Variants in CCNY observed in about 807,000 individuals in gnomAD.
The protein encoded by CCNY is cyclin-Y.
CCNY carries 19 observed loss-of-function variants against 42.8 expected under a neutral mutation model. That is an observed-to-expected ratio of 0.44 (90% CI 0.31 to 0.65). The LOEUF (loss-of-function observed/expected upper bound fraction) is 0.65, where lower values mean the gene tolerates loss of function less well. Ranked by LOEUF, CCNY falls within the 30% of genes least tolerant of loss-of-function variation. The pLI, the probability that CCNY is intolerant of heterozygous loss-of-function variation, is 0.07. For synonymous variants in CCNY, 165 were observed against 162.7 expected (o/e 1.01, Z -0.11); for missense variants, 370 against 437.3 (o/e 0.85, Z 1.37).
chr10:35,543,922 T>C (rs755829414), intron 7 of CCNY, among the ~76,000 whole-genome samples: 15 of 152,196 alleles, frequency 9.9e-5, no homozygotes, highest in Non-Finnish European at 1.6e-4. Context: ...CAAAAAAGTT[T>C]AGAAATTAAA....
At chr10:35,514,066 G>T (rs981448716) in intron 3 of CCNY, among the ~76,000 whole-genome samples, 9 of 114,770 alleles carry the variant, frequency 7.8e-5, no homozygotes, top group African/African-American at 3.4e-5. Flanking sequence ...CACCCTGAGA[G>T]GACCAGTTCA....
rs1312410028 is a variant in CCNY, at chr10:35,465,938, A to AGTGTGTGTGTGT, written c.155-17455_155-17444dup. On this transcript the variant is annotated intron_variant, in intron 1 of 9. Coordinates refer to ENST00000374704, the MANE Select transcript of CCNY (RefSeq NM_145012.6). ...GAGAGAGAGAGAGAGAGAGAGAGAG[A>AGTGTGTGTGTGT]GTGTGTGTGTGTGTGTGTGTGTCTG... 3.0e-4 allele frequency among the ~76,000 whole-genome samples: 24 copies of AGTGTGTGTGTGT among 80,996 alleles called. 1 individual carries two copies. The highest frequency in any genetic ancestry group is 9.6e-4 in the African/African-American group (22 of 22,842). The allele number at this position is 80,996 out of a possible 152,430, so 53.1% of individuals were successfully genotyped here.
intron 3 of CCNY, among the ~76,000 whole-genome samples, chr10:35,263,287 G>A (rs1186856761): frequency 2.7e-5 from 4 of 149,736 alleles, no homozygotes; most frequent in Admixed American, 6.7e-5. Context: ...AACCCAGGAG[G>A]TGGAGCTTGC....
intron 2 of CCNY, among the ~76,000 whole-genome samples, chr10:35,485,558 T>C (rs1167945231): frequency 6.6e-6 from 1 of 152,116 alleles, no homozygotes; most frequent in Non-Finnish European, 1.5e-5. Flanking sequence ...ACCCCGTCTC[T>C]ACTAAAAATA....
At position 35,347,681 on chromosome 10, in the gene CCNY, A is replaced by G. The variant is rs1836336042; in HGVS notation, c.154+10474A>G. Among the ~76,000 whole-genome samples the G allele has an allele frequency of 3.3e-5, 5 of 152,050 alleles. No homozygotes were observed. The South Asian group carries it at 1.0e-3, about 32-fold the overall frequency. Reference sequence around the variant, plus strand: ...AATTAGTGTATGGGTGGGTAGGATGAGTTCTGTTTTTTGCTTCTCAAGAAA... The same window carrying G: ...AATTAGTGTATGGGTGGGTAGGATGGGTTCTGTTTTTTGCTTCTCAAGAAA... On this transcript the variant is annotated intron_variant, in intron 1 of 9. Transcript: ENST00000374704.
chr10:35,463,868 A>C (rs1279260846), intron 1 of CCNY, among the ~76,000 whole-genome samples: 1 of 152,192 alleles, frequency 6.6e-6, no homozygotes, highest in African/African-American at 2.4e-5. Flanking sequence ...TATGACATTG[A>C]CCTACTTCCT....
intron 1 of CCNY, among the ~76,000 whole-genome samples, chr10:35,472,157 T>C (rs1589142725): frequency 6.6e-6 from 1 of 152,194 alleles, no homozygotes; most frequent in East Asian, 1.9e-4. Flanking sequence ...ATCCTGCCCA[T>C]TGCGCTAGTA....
chr10:35,338,368 A>G (rs981304301), intron 1 of CCNY, among the ~76,000 whole-genome samples: 1 of 152,246 alleles, frequency 6.6e-6, no homozygotes, highest in Admixed American at 6.5e-5. Flanking sequence ...TGCCATGTAT[A>G]AAGGGAGTAA....
chr10:35,507,855 A>G (rs1260870778), intron 3 of CCNY, among the ~76,000 whole-genome samples: 2 of 151,476 alleles, frequency 1.3e-5, no homozygotes, highest in Admixed American at 1.3e-4. Context: ...CGAAGGATTC[A>G]GTTAAACATT....
Position 35,385,213 on chromosome 10 carries a change from A to G in CCNY, c.154+48006A>G, listed in dbSNP as rs189343767. 3.6e-3 allele frequency among the ~76,000 whole-genome samples: 550 copies of G among 152,354 alleles called. 3 individuals carry two copies. Among genetic ancestry groups the G allele is most frequent in the South Asian group, 0.03 (143 of 4,826 alleles). ...GATTTGATACTATTAAATCTCAAGT[A>G]TAGCAATATGTGAATTCAAATTATC... On this transcript the variant is annotated intron_variant, in intron 1 of 9. Coordinates refer to ENST00000374704, the MANE Select transcript of CCNY (RefSeq NM_145012.6).
At chr10:35,299,404 T>C (rs1456945949) in intron 3 of CCNY, among the ~76,000 whole-genome samples, 1 of 152,250 alleles carries the variant, frequency 6.6e-6, no homozygotes, top group Non-Finnish European at 1.5e-5. Flanking sequence ...TTTTTCCCCT[T>C]TCAAATTCTG....
intron 3 of CCNY, among the ~76,000 whole-genome samples, chr10:35,262,257 CAAAA>C (rs1184383605): frequency 4.0e-5 from 1 of 25,098 alleles, no homozygotes; most frequent in Non-Finnish European, 7.3e-5. Context: ...AACTCTGTCT[CAAAA>C]AAAAAAAAAA....
intron 1 of CCNY, among the ~76,000 whole-genome samples, chr10:35,475,068 C>T (rs1031846921): frequency 5.3e-5 from 8 of 151,778 alleles, no homozygotes; most frequent in African/African-American, 1.7e-4. Context: ...TGAAATGAAG[C>T]GAGAAGGAAA....
intron 1 of CCNY, among the ~76,000 whole-genome samples, chr10:35,474,721 A>G (rs1839468029): frequency 6.6e-6 from 1 of 152,086 alleles, no homozygotes; most frequent in South Asian, 2.1e-4. Context: ...AAAACTGGAA[A>G]CTCTAAAAAT....
At chr10:35,289,366 T>C (rs1835386996) in intron 3 of CCNY, 1 of 152,186 alleles carries the variant, frequency 6.6e-6, no homozygotes, top group Non-Finnish European at 1.5e-5. Context: ...AGTAAGCCTT[T>C]CTTTTTCTTC....
intron 7 of CCNY, among the ~76,000 whole-genome samples, chr10:35,552,523 C>T (rs927184704): frequency 1.3e-5 from 2 of 152,064 alleles, no homozygotes; most frequent in Non-Finnish European, 2.9e-5. Flanking sequence ...TACCTAATGC[C>T]GCTGAACTGA....
chr10:35,325,076 T>C (rs1292049333), intron 3 of CCNY, among the ~76,000 whole-genome samples: 1 of 152,204 alleles, frequency 6.6e-6, no homozygotes, highest in Non-Finnish European at 1.5e-5. Flanking sequence ...GACATTTTAT[T>C]TGGAGATATG....
intron 7 of CCNY, among the ~76,000 whole-genome samples, chr10:35,550,291 G>C (rs1841225982): frequency 6.6e-6 from 1 of 151,620 alleles, no homozygotes; most frequent in Non-Finnish European, 1.5e-5. Flanking sequence ...TACAGTGCTT[G>C]TGACCCTGCA....
At chr10:35,477,795 A>C (rs1839551747) in intron 1 of CCNY, among the ~76,000 whole-genome samples, 1 of 152,190 alleles carries the variant, frequency 6.6e-6, no homozygotes, top group Non-Finnish European at 1.5e-5. Flanking sequence ...CAGGTCAGTT[A>C]GGCAGGAGAA....
Sources: allele counts gnomAD v4.1 joint callset (sites outside exome capture counted in the v4.1 genomes callset), GRCh38; gene constraint gnomAD v4.1.1; transcripts MANE v1.5; gene names NCBI Gene and HGNC (gene_info 2026-07-23, HGNC 2026-07-21).